The following AUH variants were observed in gnomAD, a reference collection of about 807,000 sequenced individuals.
AUH encodes the protein methylglutaconyl-CoA hydratase, mitochondrial.
In AUH, 29 loss-of-function variants were observed where a neutral mutation model predicts 42.3. The observed-to-expected ratio is 0.69, with a 90% CI of 0.51 to 0.93. AUH has a LOEUF of 0.93. Among genes scored for constraint, AUH ranks in the 40% least tolerant of loss-of-function variants. The pLI, the probability that AUH is intolerant of heterozygous loss-of-function variation, is 0.00. For missense variants in AUH, 452 were observed against 438.1 expected (o/e 1.03, Z -0.28); for synonymous variants, 174 against 166.4 (o/e 1.05, Z -0.35).
chr9:91,243,722 A>G (rs1828641036), intron 6 of AUH, among the ~76,000 whole-genome samples: 1 of 152,166 alleles, frequency 6.6e-6, no homozygotes, highest in African/African-American at 2.4e-5. Flanking sequence ...CCTGCTGGAG[A>G]TCAGCCCGGG....
chr9:91,357,014 C>T (rs1429320747), intron 1 of AUH, among the ~76,000 whole-genome samples: 2 of 152,174 alleles, frequency 1.3e-5, no homozygotes, highest in Non-Finnish European at 2.9e-5. Flanking sequence ...CACATGCCTT[C>T]GCTGTGCAAG....
chr9:91,283,527 T>G (rs1383190122), intron 6 of AUH, among the ~76,000 whole-genome samples: 1 of 152,224 alleles, frequency 6.6e-6, no homozygotes, highest in Non-Finnish European at 1.5e-5. Flanking sequence ...AAATTGTCCC[T>G]GTTTGCAGAT....
chr9:91,278,218 C>A (rs530824000), intron 6 of AUH, among the ~76,000 whole-genome samples: 6 of 152,282 alleles, frequency 3.9e-5, no homozygotes, highest in African/African-American at 1.4e-4. Context: ...AATATAGTCA[C>A]AAAGTCCTAC....
intron 6 of AUH, among the ~76,000 whole-genome samples, chr9:91,295,106 T>A (rs1362960100): frequency 6.6e-6 from 1 of 152,178 alleles, no homozygotes; most frequent in Non-Finnish European, 1.5e-5. Context: ...GTTTCCCTTT[T>A]CCCTTGGCTT....
intron 6 of AUH, among the ~76,000 whole-genome samples, chr9:91,235,646 G>A (rs1406469429): frequency 6.6e-6 from 1 of 152,184 alleles, no homozygotes; most frequent in Non-Finnish European, 1.5e-5. Flanking sequence ...CTGGACAGGT[G>A]CTCACTGAGG....
chr9:91,229,103 T>C, intron 6 of AUH, among the ~76,000 whole-genome samples: 1 of 149,186 alleles, frequency 6.7e-6, no homozygotes, highest in Non-Finnish European at 1.5e-5. Context: ...AATTCCTGGG[T>C]ATCCTTGTTG....
intron 4 of AUH, 145 bp downstream of exon 4, chr9:91,325,173 T>C: frequency 1.7e-6 from 1 of 577,092 alleles, no homozygotes. Context: ...ATTAAATATA[T>C]TAAGTGTCAC....
intron 3 of AUH, among the ~76,000 whole-genome samples, chr9:91,335,577 T>C (rs1830634079): frequency 6.6e-6 from 1 of 152,202 alleles, no homozygotes; most frequent in Non-Finnish European, 1.5e-5. Context: ...TCATCTACCC[T>C]ATTTGGGTTA....
intron 6 of AUH, among the ~76,000 whole-genome samples, chr9:91,280,703 C>T (rs1440910274): frequency 1.3e-5 from 2 of 152,106 alleles, no homozygotes; most frequent in African/African-American, 4.8e-5. Flanking sequence ...CAGTAATTTA[C>T]GCATTCAAAT....
At chr9:91,230,586 G>A (rs993677281) in intron 6 of AUH, among the ~76,000 whole-genome samples, 8 of 152,152 alleles carry the variant, frequency 5.3e-5, no homozygotes, top group Non-Finnish European at 1.2e-4. Flanking sequence ...GCTTTGTTCC[G>A]TTGCTGGTGA....
chr9:91,341,800 G>T (rs939894659), intron 3 of AUH, among the ~76,000 whole-genome samples: 14 of 152,184 alleles, frequency 9.2e-5, no homozygotes, highest in African/African-American at 2.9e-4. Context: ...GAACAGAAAC[G>T]TTCAGAGATG....
At chr9:91,313,881 T>A (rs935125058) in intron 4 of AUH, among the ~76,000 whole-genome samples, 8 of 147,892 alleles carry the variant, frequency 5.4e-5, no homozygotes, top group African/African-American at 2.0e-4. Context: ...GGAGTGCAAA[T>A]GGCACGATCT....
chr9:91,235,784 A>G (rs1356956483), intron 6 of AUH, among the ~76,000 whole-genome samples: 1 of 152,180 alleles, frequency 6.6e-6, no homozygotes, highest in African/African-American at 2.4e-5. Context: ...GATATTCTTC[A>G]CTGAAATAAA....
At position 91,220,969 on chromosome 9, in the gene AUH, C is replaced by T. The variant is rs141700491; in HGVS notation, c.679G>A (p.Ala227Thr). 62 of 1,614,102 alleles carry T rather than the reference C, an allele frequency of 3.8e-5. No individual in the cohort carries two copies. The highest frequency in any genetic ancestry group is 1.7e-4 in the Middle Eastern group (1 of 6,060). Residue 227 changes from alanine to threonine, a missense_variant, in exon 7 of 10, where the codon GCC becomes ACC. By Grantham distance (58) the Ala-to-Thr change is moderately conservative (BLOSUM62 0). Coordinates refer to ENST00000375731, the MANE Select transcript of AUH (RefSeq NM_001698.3). ...TCCTTGGCCAGGGACATTCCAATGG[C>T]GCGTGGCAATCGCTGTGTCCCCCCT... The part of the protein sequence containing the change: ...GGGGTQRLPR[A>T]IGMSLAKELI...
intron 6 of AUH, among the ~76,000 whole-genome samples, chr9:91,275,121 G>A (rs1825439221): frequency 6.6e-6 from 1 of 152,174 alleles, no homozygotes; most frequent in African/African-American, 2.4e-5. Context: ...CCTTCTACAT[G>A]TATTCATTCC....
chr9:91,292,071 T>C (rs1189097012), intron 6 of AUH, among the ~76,000 whole-genome samples: 2 of 152,142 alleles, frequency 1.3e-5, no homozygotes, highest in African/African-American at 2.4e-5. Flanking sequence ...TTCAGATTTA[T>C]TGGGTGATGC....
At chr9:91,338,681 TGG>T (rs1045531727) in intron 3 of AUH, among the ~76,000 whole-genome samples, 1 of 152,224 alleles carries the variant, frequency 6.6e-6, no homozygotes, top group Non-Finnish European at 1.5e-5. Flanking sequence ...TCCACCCACC[TGG>T]GCCTCCCAAA....
chr9:91,359,667 G>C (rs1832701299), intron 1 of AUH, among the ~76,000 whole-genome samples: 1 of 152,088 alleles, frequency 6.6e-6, no homozygotes, highest in African/African-American at 2.4e-5. Context: ...GATGAGACCT[G>C]GTGTATTCTG....
At chr9:91,348,734 C>G (rs936944394) in intron 3 of AUH, among the ~76,000 whole-genome samples, 1 of 152,116 alleles carries the variant, frequency 6.6e-6, no homozygotes, top group African/African-American at 2.4e-5. Flanking sequence ...TTAGTACTTT[C>G]AGAGATCAGG....
Sources: allele counts gnomAD v4.1 joint callset (sites outside exome capture counted in the v4.1 genomes callset), GRCh38; gene constraint gnomAD v4.1.1; transcripts MANE v1.5; gene names NCBI Gene and HGNC (gene_info 2026-07-23, HGNC 2026-07-21).